The following STEAP1B variants were observed in gnomAD, a reference collection of about 807,000 sequenced individuals.
The protein encoded by STEAP1B is STEAP family member 1B, also known as STEAP family protein MGC87042.
Under a neutral mutation model 27.9 loss-of-function variants are expected in STEAP1B, and 13 were observed. That is an observed-to-expected ratio of 0.47 (90% CI 0.30 to 0.74). The LOEUF (loss-of-function observed/expected upper bound fraction) is 0.74. STEAP1B is among the 30% of genes least tolerant of loss of function. The pLI is 0.06. For missense variants in STEAP1B, 250 were observed against 298.7 expected, an observed-to-expected ratio of 0.84 and a Z score of 1.20; for synonymous variants, 86 against 107.1, an observed-to-expected ratio of 0.80 and a Z score of 1.22.
chr7:22,471,931 C>T (rs1011225354), intron 4 of STEAP1B, among the ~76,000 whole-genome samples: 3 of 145,500 alleles, frequency 2.1e-5, no homozygotes, highest in Non-Finnish European at 3.0e-5. Flanking sequence ...TTTCATATTG[C>T]TAACGTACAT....
intron 4 of STEAP1B, among the ~76,000 whole-genome samples, chr7:22,476,834 C>T (rs1173672145): frequency 3.3e-5 from 5 of 152,188 alleles, no homozygotes; most frequent in Non-Finnish European, 7.3e-5. Flanking sequence ...ACTGGGTTCT[C>T]ATCTGAAAAC....
intron 4 of STEAP1B, among the ~76,000 whole-genome samples, chr7:22,477,595 C>T (rs749238153): frequency 9.8e-5 from 15 of 152,310 alleles, no homozygotes; most frequent in South Asian, 6.2e-4. Flanking sequence ...AAGCGTATTA[C>T]GCAAATATTA....
At chr7:22,452,885 C>T (rs1785513950) in intron 4 of STEAP1B, among the ~76,000 whole-genome samples, 1 of 152,180 alleles carries the variant, frequency 6.6e-6, no homozygotes, top group Non-Finnish European at 1.5e-5. Context: ...AGTTGCTAAT[C>T]CCAATACCAG....
intron 4 of STEAP1B, among the ~76,000 whole-genome samples, chr7:22,480,019 T>C (rs1647131508): frequency 6.6e-6 from 1 of 152,178 alleles, no homozygotes; most frequent in African/African-American, 2.4e-5. Flanking sequence ...CCTGGGCTAG[T>C]GTCAACCCTG....
intron 1 of STEAP1B, among the ~76,000 whole-genome samples, chr7:22,497,973 T>C (rs1397971839): frequency 6.6e-6 from 1 of 152,198 alleles, no homozygotes; most frequent in Non-Finnish European, 1.5e-5. Context: ...GGTGAAACTG[T>C]TCCACCTCAG....
At chr7:22,429,844 AGTAGTGT>A (rs746001331) in intron 4 of STEAP1B, among the ~76,000 whole-genome samples, 239 of 152,364 alleles carry the variant, frequency 1.6e-3, no homozygotes, top group Middle Eastern at 3.4e-3. Flanking sequence ...TAAGATTATA[AGTAGTGT>A]GTCCAATGGG....
chr7:22,443,582 A>C (rs1785365533), intron 4 of STEAP1B, among the ~76,000 whole-genome samples: 1 of 152,192 alleles, frequency 6.6e-6, no homozygotes, highest in Non-Finnish European at 1.5e-5. Flanking sequence ...ATCATTCCAG[A>C]CCACAAAGAT....
At chr7:22,446,810 A>G (rs2128403384) in intron 4 of STEAP1B, among the ~76,000 whole-genome samples, 1 of 152,322 alleles carries the variant, frequency 6.6e-6, no homozygotes, top group Admixed American at 6.5e-5. Flanking sequence ...CATCTGTGAA[A>G]TGGAAGGAAT....
At chr7:22,447,295 T>C (rs1380356190) in intron 4 of STEAP1B, among the ~76,000 whole-genome samples, 3 of 152,212 alleles carry the variant, frequency 2.0e-5, no homozygotes, top group African/African-American at 7.2e-5. Context: ...CAACTTCCAA[T>C]ACAGTTTGGT....
Position 22,431,121 on chromosome 7 carries a change from T to C in STEAP1B, c.763-11285A>G, listed in dbSNP as rs1455808336. Among the ~76,000 whole-genome samples the C allele has an allele frequency of 3.9e-5, 6 of 152,208 alleles. No individual in the cohort carries two copies. The South Asian group carries it at 8.3e-4, about 21-fold the overall frequency. On this transcript the variant is annotated intron_variant, in intron 4 of 4. Transcript: ENST00000678116. ...CAAGTAACAGAAACTTGAACTCAAATTGACCTACATAATACAAAGACAGTA... is the reference window on the plus strand; with the variant it reads ...CAAGTAACAGAAACTTGAACTCAAACTGACCTACATAATACAAAGACAGTA...
At chr7:22,452,919 G>T (rs1785514181) in intron 4 of STEAP1B, among the ~76,000 whole-genome samples, 1 of 152,102 alleles carries the variant, frequency 6.6e-6, no homozygotes, top group Middle Eastern at 3.2e-3. Flanking sequence ...CTTTTTTGCT[G>T]AGCTTTTTCT....
chr7:22,494,587 G>A (rs1786405449), intron 2 of STEAP1B, among the ~76,000 whole-genome samples, 185 bp downstream of exon 2: 1 of 152,178 alleles, frequency 6.6e-6, no homozygotes, highest in African/African-American at 2.4e-5. Flanking sequence ...GACAATCAGT[G>A]AAGGTACTAT....
intron 4 of STEAP1B, among the ~76,000 whole-genome samples, chr7:22,432,195 A>C (rs2128400185): frequency 6.6e-6 from 1 of 152,016 alleles, no homozygotes; most frequent in East Asian, 1.9e-4. Flanking sequence ...CCAGACACCA[A>C]ATCTGCTTGT....
In STEAP1B at chr7:22,493,426, C is replaced by A. The variant is rs761136249; in HGVS notation, c.495G>T (p.Gly165=). 11 of 1,613,874 alleles carry A rather than the reference C, an allele frequency of 6.8e-6. No homozygotes were observed. In the East Asian group the frequency reaches 2.5e-4, roughly 36 times the overall value. The change falls in exon 3 of 5, where the codon GGG becomes GGT. Residue 165 remains glycine (G), a synonymous_variant. Coordinates refer to ENST00000678116, the MANE Select transcript of STEAP1B (RefSeq NM_001382447.1). The part of the protein sequence containing the change: ...DKWMLTRKQF[G]LLSLFFAVLH... Reference sequence around the variant, plus strand: ...GTACAGCAAAAAACAAACTGAGAAGCCCAAACTGCTTTCTTGTTAACATCC... The same window carrying A: ...GTACAGCAAAAAACAAACTGAGAAGACCAAACTGCTTTCTTGTTAACATCC...
At chr7:22,451,045 A>G (rs1785480031) in intron 4 of STEAP1B, among the ~76,000 whole-genome samples, 1 of 152,052 alleles carries the variant, frequency 6.6e-6, no homozygotes, top group African/African-American at 2.4e-5. Context: ...AAATGCAAAA[A>G]AATTAGCCAG....
intron 4 of STEAP1B, among the ~76,000 whole-genome samples, chr7:22,433,577 T>G (rs1215191411): frequency 6.6e-6 from 1 of 152,074 alleles, no homozygotes; most frequent in East Asian, 1.9e-4. Context: ...AGGAGATCTA[T>G]GTAGGAAAGG....
intron 4 of STEAP1B, among the ~76,000 whole-genome samples, chr7:22,461,480 C>T (rs186836404): frequency 6.6e-6 from 1 of 152,224 alleles, no homozygotes; most frequent in East Asian, 1.9e-4. Context: ...CCAGGCTGGT[C>T]TTGAACTCCT....
In STEAP1B at chr7:22,493,585, C is replaced by G. The variant is rs765596733; in HGVS notation, c.336G>C (p.Leu112=). 463 of 1,613,752 alleles carry G rather than the reference C, an allele frequency of 2.9e-4. No individual in the cohort carries two copies. Among genetic ancestry groups the G allele is most frequent in the Non-Finnish European group, 3.8e-4 (449 of 1,179,864 alleles). The change falls in exon 3 of 5, where the codon CTG becomes CTC. Residue 112 remains leucine, a synonymous_variant. Transcript: ENST00000678116. The part of the protein sequence containing the change: ...HQQYFYKIPI[L]VINKVLPMVS... ...CCATTGGCAAGACTTTGTTGATGAC[C>G]AGGATTGGAATTTTATAAAAATATT...
intron 4 of STEAP1B, among the ~76,000 whole-genome samples, chr7:22,491,320 A>T (rs1179061065): frequency 6.6e-6 from 1 of 152,244 alleles, no homozygotes; most frequent in Non-Finnish European, 1.5e-5. Flanking sequence ...TCACAGGATG[A>T]AAAGAAATAT....
Sources: gnomAD v4.1 joint callset for allele counts (sites outside exome capture counted in the v4.1 genomes callset) on GRCh38, gnomAD v4.1.1 for gene constraint, MANE v1.5 for transcripts, NCBI Gene and HGNC (gene_info 2026-07-23, HGNC 2026-07-21) for gene names.